Variants in KDM2B observed in about 807,000 individuals in gnomAD.
The protein encoded by KDM2B is lysine demethylase 2B.
Under a neutral mutation model 150.0 loss-of-function variants are expected in KDM2B, and 26 were observed. The observed-to-expected ratio is 0.17, with a 90% CI of 0.13 to 0.24. The LOEUF is 0.24. Ranked by LOEUF, KDM2B falls within the 10% of genes least tolerant of loss-of-function variation. The pLI is 1.00. For synonymous variants in KDM2B, 734 were observed against 729.5 expected (o/e 1.01, Z -0.10); for missense variants, 1,265 against 1,816.9 (o/e 0.70, Z 5.52).
At chr12:121,574,629 C>A (rs546786577) in intron 3 of KDM2B, 36 bp from the exon 4 acceptor site, 2 of 1,602,464 alleles carry the variant, frequency 1.2e-6, no homozygotes. Flanking sequence ...TGGTGAGAGG[C>A]CAGAAACAAC....
chr12:121,530,540 C>T (rs543790649), intron 8 of KDM2B, among the ~76,000 whole-genome samples: 1 of 151,768 alleles, frequency 6.6e-6, no homozygotes, highest in Admixed American at 6.6e-5. Flanking sequence ...CACCCTACCC[C>T]ACCCCTGTAT....
At chr12:121,450,721 G>A (rs927694823) in intron 13 of KDM2B, among the ~76,000 whole-genome samples, 3 of 152,142 alleles carry the variant, frequency 2.0e-5, no homozygotes, top group Admixed American at 6.5e-5. Context: ...TTAGCCAGGC[G>A]TGGTGGCGGG....
chr12:121,507,763 C>T (rs1468017230), intron 11 of KDM2B, among the ~76,000 whole-genome samples: 4 of 152,152 alleles, frequency 2.6e-5, no homozygotes, highest in African/African-American at 9.7e-5. Context: ...GTAATCCCAG[C>T]ACCTTGGGAA....
the KDM2B span, among the ~76,000 whole-genome samples, chr12:121,412,230 CTTTTTTTTTTT>C: frequency 1.0e-4 from 5 of 49,646 alleles, no homozygotes; most frequent in South Asian, 9.6e-4. Flanking sequence ...CCCAACTAAT[CTTTTTTTTTTT>C]TTTTTTTTTT....
chr12:121,416,854 A>G, the KDM2B span, among the ~76,000 whole-genome samples: 1 of 152,238 alleles, frequency 6.6e-6, no homozygotes, highest in Non-Finnish European at 1.5e-5. Context: ...GAGACCCATC[A>G]TATTGGTAGG....
At chr12:121,507,854 A>T (rs1555303172) in intron 11 of KDM2B, among the ~76,000 whole-genome samples, 2 of 152,020 alleles carry the variant, frequency 1.3e-5, no homozygotes, top group Non-Finnish European at 2.9e-5. Flanking sequence ...CTACAAAAAA[A>T]TTAAAAATTA....
intron 4 of KDM2B, among the ~76,000 whole-genome samples, chr12:121,570,310 C>G (rs920661994): frequency 6.6e-6 from 1 of 152,030 alleles, no homozygotes; most frequent in Non-Finnish European, 1.5e-5. Flanking sequence ...CCTCAGCCTC[C>G]GAAAGTGCTG....
intron 13 of KDM2B, among the ~76,000 whole-genome samples, chr12:121,449,739 G>C (rs1876908699): frequency 6.6e-6 from 1 of 152,182 alleles, no homozygotes; most frequent in Non-Finnish European, 1.5e-5. Flanking sequence ...GGGTCACATG[G>C]ACCCAGTCTC....
rs922557956 is a variant in KDM2B, at chr12:121,578,963, C to G, written c.127-17G>C. On this transcript the variant is annotated splice_polypyrimidine_tract_variant and intron_variant, in intron 1 of 22. Coordinates refer to ENST00000377071, the MANE Select transcript of KDM2B (RefSeq NM_032590.5). ...AATCGGGCGCTGCGAGGACCCAAAC[C>G]AGAGAGCCCGGGACATTATTGTGGG... 1 of 1,609,322 alleles carries G rather than the reference C, an allele frequency of 6.2e-7. No homozygotes were observed. The highest frequency in any genetic ancestry group is 1.1e-5 in the South Asian group (1 of 90,574).
intron 22 of KDM2B, among the ~76,000 whole-genome samples, chr12:121,435,213 C>T (rs1555286500): frequency 6.6e-6 from 1 of 152,132 alleles, no homozygotes; most frequent in African/African-American, 2.4e-5. Flanking sequence ...GACAGTTGCA[C>T]AACATTGTGA....
chr12:121,507,907 A>G (rs952310688), intron 11 of KDM2B, among the ~76,000 whole-genome samples: 1 of 152,078 alleles, frequency 6.6e-6, no homozygotes, highest in Non-Finnish European at 1.5e-5. Flanking sequence ...GCTACTTGGG[A>G]GGCTGAGGCA....
the KDM2B span, among the ~76,000 whole-genome samples, chr12:121,415,726 T>A: frequency 6.6e-6 from 1 of 152,056 alleles, no homozygotes; most frequent in Non-Finnish European, 1.5e-5. Context: ...GCCACCAGCC[T>A]AATGTTGCCA....
intron 19 of KDM2B, among the ~76,000 whole-genome samples, chr12:121,441,758 C>T (rs1339046644): frequency 6.6e-6 from 1 of 152,200 alleles, no homozygotes; most frequent in African/African-American, 2.4e-5. Context: ...CTTTACAACG[C>T]CCTCTACCGG....
chr12:121,542,325 C>T (rs1236803566), intron 6 of KDM2B, among the ~76,000 whole-genome samples: 6 of 152,194 alleles, frequency 3.9e-5, no homozygotes, highest in Non-Finnish European at 7.3e-5. Flanking sequence ...ATCATTCCCC[C>T]CACTGCAACA....
intron 10 of KDM2B, among the ~76,000 whole-genome samples, chr12:121,510,318 G>A (rs1449756390): frequency 4.6e-5 from 7 of 152,244 alleles, no homozygotes; most frequent in South Asian, 2.1e-4. Context: ...CTCAGTTGCC[G>A]AGGCTGGACT....
At chr12:121,578,986 G>T (rs782189556) in intron 1 of KDM2B, 40 bp from the exon 2 acceptor site, 23 of 1,586,638 alleles carry the variant, frequency 1.4e-5, no homozygotes, top group Non-Finnish European at 1.9e-5. Context: ...ACATTATTGT[G>T]GGGGCTGGAG....
chr12:121,469,734 G>A (rs1555295602), intron 12 of KDM2B: 1 of 152,088 alleles, frequency 6.6e-6, no homozygotes, highest in East Asian at 1.9e-4. Context: ...TGCCAATCAT[G>A]CTTCCACTTC....
At chr12:121,473,388 C>CAAA (rs138780057) in intron 12 of KDM2B, among the ~76,000 whole-genome samples, 11 of 111,816 alleles carry the variant, frequency 9.8e-5, no homozygotes, top group African/African-American at 1.5e-4. Context: ...GACTCTGTCT[C>CAAA]AAAAAAAAAA....
At chr12:121,557,944 T>C (rs2142220961) in intron 4 of KDM2B, among the ~76,000 whole-genome samples, 1 of 152,328 alleles carries the variant, frequency 6.6e-6, no homozygotes, top group Admixed American at 6.5e-5. Context: ...GAGCCTGGTA[T>C]AAGCGGATCA....
Sources: allele counts gnomAD v4.1 joint callset (sites outside exome capture counted in the v4.1 genomes callset), GRCh38; gene constraint gnomAD v4.1.1; transcripts MANE v1.5; gene names NCBI Gene and HGNC (gene_info 2026-07-23, HGNC 2026-07-21).